MAL2: variants seen among roughly 807,000 people sequenced by gnomAD.
The protein encoded by MAL2 is protein MAL2.
A neutral mutation model predicts 18.1 loss-of-function variants in MAL2; 17 were observed. The observed-to-expected ratio is 0.94, with a 90% CI of 0.64 to 1.41. The LOEUF (loss-of-function observed/expected upper bound fraction) is 1.41, where lower values mean the gene tolerates loss of function less well. MAL2 is among the 40% of genes most tolerant of loss of function. The pLI is 0.00. For synonymous variants in MAL2, 102 were observed against 102.3 expected (o/e 1.00, Z 0.02); for missense variants, 222 against 231.9 (o/e 0.96, Z 0.28).
At chr8:119,232,044 A>G (rs1486638111) in intron 2 of MAL2, among the ~76,000 whole-genome samples, 1 of 152,088 alleles carries the variant, frequency 6.6e-6, no homozygotes, top group Non-Finnish European at 1.5e-5. Flanking sequence ...GAAAAATGCT[A>G]AAAAATATTT....
chr8:119,237,008 G>C (rs1386529910), intron 2 of MAL2, among the ~76,000 whole-genome samples: 1 of 151,660 alleles, frequency 6.6e-6, no homozygotes, highest in Admixed American at 6.6e-5. Flanking sequence ...CCAGGAGCTG[G>C]ATTTTTGAAA....
intron 3 of MAL2, among the ~76,000 whole-genome samples, chr8:119,242,623 G>C (rs1337642662): frequency 1.3e-5 from 2 of 152,154 alleles, no homozygotes; most frequent in African/African-American, 4.8e-5. Context: ...AAGAAGGGTG[G>C]AAAGAAAAGC....
At chr8:119,232,900 G>C (rs948865766) in intron 2 of MAL2, among the ~76,000 whole-genome samples, 2 of 152,080 alleles carry the variant, frequency 1.3e-5, no homozygotes, top group African/African-American at 4.8e-5. Context: ...GAGCAGTTTT[G>C]AGTGAGTTTC....
At position 119,208,792 on chromosome 8, in the gene MAL2, C is replaced by T. The variant is rs1361650913; in HGVS notation, c.132+188C>T. ...CCGCCCGGGCCCTCCCTCCTAGCAC[C>T]TGTTACGCGGGCACCTGCTCCCCCG... On this transcript the variant is annotated intron_variant, in intron 1 of 3. Coordinates refer to ENST00000614891, the MANE Select transcript of MAL2 (RefSeq NM_052886.3). This position sits in a 1 kb window ranked among gnomAD's most constrained non-coding sequence, Gnocchi z 4.3. The T allele has an allele frequency of 3.2e-6, 3 of 941,078 alleles. No homozygotes were observed. The highest frequency in any genetic ancestry group is 3.5e-5 in the East Asian group (1 of 28,874). 58.3% of individuals were successfully genotyped at this position (941,078 alleles called of 1,614,324 possible).
At position 119,208,712 on chromosome 8, in the gene MAL2, T is replaced by G; in HGVS notation, c.132+108T>G. The G allele has an allele frequency of 4.1e-6, 5 of 1,209,334 alleles. No homozygotes were observed. The highest frequency in any genetic ancestry group is 5.1e-6 in the Non-Finnish European group (5 of 972,790). The allele number at this position is 1,209,334 out of a possible 1,614,324, so 74.9% of individuals were successfully genotyped here. A position where few individuals can be genotyped will look rare whatever the true frequency, so the allele number is the denominator to read the frequency against. On this transcript the variant is annotated intron_variant, in intron 1 of 3. Transcript: ENST00000614891. This position sits in a 1 kb window ranked among gnomAD's most constrained non-coding sequence, Gnocchi z 4.3. ...GCGTCCGCCCCCGGCCTCCTTCCCT[T>G]CGACGTGGCTTTGTCCTGCGCTCCC...
intron 2 of MAL2, among the ~76,000 whole-genome samples, chr8:119,229,830 A>G (rs1268700731): frequency 6.6e-6 from 1 of 152,188 alleles, no homozygotes; most frequent in African/African-American, 2.4e-5. Flanking sequence ...TCACGTGGGC[A>G]TAAGGAAACC....
At position 119,234,273 on chromosome 8, in the gene MAL2, C is replaced by T. The variant is rs566614928; in HGVS notation, c.304-5892C>T. ...GACCGGCTTAAAAAACGGCGCACCACGAGATTGTATCCCACACCTGGCTGG... is the reference window on the plus strand; with the variant it reads ...GACCGGCTTAAAAAACGGCGCACCATGAGATTGTATCCCACACCTGGCTGG... On this transcript the variant is annotated intron_variant, in intron 2 of 3. Transcript: ENST00000614891. Among the ~76,000 whole-genome samples the T allele has an allele frequency of 5.3e-5, 8 of 152,292 alleles. 1 individual carries two copies. In the South Asian group the frequency reaches 1.0e-3, roughly 20 times the overall value.
At chr8:119,236,994 G>T (rs552999831) in intron 2 of MAL2, among the ~76,000 whole-genome samples, 1 of 151,742 alleles carries the variant, frequency 6.6e-6, no homozygotes. Context: ...AAAAATCAGT[G>T]AATCCAGGAG....
chr8:119,225,896 CTGTT>C (rs1242983288), intron 2 of MAL2, among the ~76,000 whole-genome samples: 17 of 152,144 alleles, frequency 1.1e-4, no homozygotes, highest in Non-Finnish European at 8.8e-5. Flanking sequence ...TTTCATGTGT[CTGTT>C]GGCTGCATAA....
intron 2 of MAL2, among the ~76,000 whole-genome samples, chr8:119,237,908 T>C (rs1429811254): frequency 6.6e-6 from 1 of 152,194 alleles, no homozygotes; most frequent in East Asian, 1.9e-4. Flanking sequence ...TCACCATTCC[T>C]ATTCAACATA....
At chr8:119,237,653 T>G (rs1487623952) in intron 2 of MAL2, among the ~76,000 whole-genome samples, 1 of 151,828 alleles carries the variant, frequency 6.6e-6, no homozygotes, top group Non-Finnish European at 1.5e-5. Context: ...TCAATAAATG[T>G]AATCCAGCAT....
At chr8:119,216,993 A>G (rs1817366609) in intron 1 of MAL2, among the ~76,000 whole-genome samples, 2 of 152,380 alleles carry the variant, frequency 1.3e-5, no homozygotes, top group South Asian at 2.1e-4. Context: ...CTTTGGGAAC[A>G]TAAGACCGTC....
chr8:119,240,029 T>A, intron 2 of MAL2, 136 bp from the exon 3 acceptor site: 1 of 947,236 alleles, frequency 1.1e-6, no homozygotes, highest in Non-Finnish European at 1.5e-6. Flanking sequence ...CTAAAGCAGC[T>A]AAGCTTAACA....
chr8:119,239,417 A>G (rs1021626882), intron 2 of MAL2, among the ~76,000 whole-genome samples: 3 of 151,624 alleles, frequency 2.0e-5, no homozygotes, highest in Admixed American at 2.0e-4. Context: ...CAGCCATCCC[A>G]TTACTGGGTC....
chr8:119,240,055 A>T, intron 2 of MAL2, 110 bp from the exon 3 acceptor site: 1 of 1,157,932 alleles, frequency 8.6e-7, no homozygotes, highest in Non-Finnish European at 1.2e-6. Context: ...TATAGTTAAG[A>T]TTGTTTAATT....
At chr8:119,210,480 G>C (rs1427513375) in intron 1 of MAL2, among the ~76,000 whole-genome samples, 1 of 151,146 alleles carries the variant, frequency 6.6e-6, no homozygotes, top group African/African-American at 2.4e-5. Context: ...TTAATAACTT[G>C]AACAGCTTTT....
At chr8:119,229,065 G>A (rs1157272389) in intron 2 of MAL2, among the ~76,000 whole-genome samples, 1 of 152,114 alleles carries the variant, frequency 6.6e-6, no homozygotes. Context: ...CATAATGCCA[G>A]GTATGGGATG....
At chr8:119,243,286 A>G (rs1364513513) in intron 3 of MAL2, 131 bp from the exon 4 acceptor site, 5 of 554,336 alleles carry the variant, frequency 9.0e-6, no homozygotes, top group African/African-American at 3.9e-5. Context: ...AAAACAATGT[A>G]AAATATTTTT....
chr8:119,230,789 A>T (rs1045963025), intron 2 of MAL2, among the ~76,000 whole-genome samples: 1 of 152,212 alleles, frequency 6.6e-6, no homozygotes, highest in African/African-American at 2.4e-5. Context: ...AAAAATGGTG[A>T]CATTTGAATT....
Sources: gnomAD v4.1 joint callset for allele counts (sites outside exome capture counted in the v4.1 genomes callset) on GRCh38, gnomAD v4.1.1 for gene constraint, Gnocchi (gnomAD v3.1) non-coding constraint, MANE v1.5 for transcripts, NCBI Gene and HGNC (gene_info 2026-07-23, HGNC 2026-07-21) for gene names.